Variants in STAU1 observed in about 807,000 individuals in gnomAD.
The protein encoded by STAU1 is staufen double-stranded RNA binding protein 1, also known as double-stranded RNA-binding protein Staufen homolog 1.
Under a neutral mutation model 62.9 loss-of-function variants are expected in STAU1, and 13 were observed. The observed-to-expected ratio is 0.21, with a 90% CI of 0.13 to 0.33. The LOEUF is 0.33. STAU1 is among the 10% of genes least tolerant of loss of function. The pLI is 1.00. For missense variants in STAU1, 571 were observed against 712.1 expected (o/e 0.80, Z 2.25); for synonymous variants, 269 against 265.1 (o/e 1.01, Z -0.14).
intron 3 of STAU1, 64 bp from the exon 4 acceptor site, chr20:49,154,135 A>C: frequency 1.3e-6 from 2 of 1,490,198 alleles, no homozygotes; most frequent in South Asian, 2.7e-5. Flanking sequence ...CACTAAAATA[A>C]AATGTAATAG....
intron 6 of STAU1, 41 bp downstream of exon 6, chr20:49,135,792 G>C (rs760315973): frequency 6.8e-7 from 1 of 1,479,704 alleles, no homozygotes; most frequent in Non-Finnish European, 9.4e-7. Context: ...AATGCTAACA[G>C]GATTTTAGAA....
chr20:49,160,061 A>G (rs768422477), intron 3 of STAU1, among the ~76,000 whole-genome samples: 5 of 152,220 alleles, frequency 3.3e-5, no homozygotes, highest in Non-Finnish European at 5.9e-5. Flanking sequence ...ATTGTGCTCC[A>G]CAGGTTAACA....
rs575803333 is a variant in STAU1 at position 49,162,937 on chromosome 20, T to A, written c.205+3060A>T. Among the ~76,000 whole-genome samples, 15 of 152,144 alleles carry A rather than the reference T, an allele frequency of 9.9e-5. No individual in the cohort carries two copies. The South Asian group carries it at 3.1e-3, about 32-fold the overall frequency. ...GGCTGGATGTGGTGGCTCACGCCTATAATCCCAGCACTTTAGGAGGCCAAG... is the reference window on the plus strand; with the variant it reads ...GGCTGGATGTGGTGGCTCACGCCTAAAATCCCAGCACTTTAGGAGGCCAAG... On this transcript the variant is annotated intron_variant, in intron 3 of 13. Transcript: ENST00000371856.
chr20:49,187,776 C>CT (rs2093807167), intron 1 of STAU1, among the ~76,000 whole-genome samples: 1 of 33,656 alleles, frequency 3.0e-5, no homozygotes, highest in African/African-American at 1.9e-4. Context: ...AGCAGGGACC[C>CT]CCCCCCCCCC....
intron 5 of STAU1, among the ~76,000 whole-genome samples, chr20:49,149,541 T>A (rs945416622): frequency 2.0e-5 from 3 of 152,200 alleles, no homozygotes; most frequent in Non-Finnish European, 4.4e-5. Context: ...ACCTACTCCA[T>A]CTGACTCCAA....
At chr20:49,126,427 G>C (rs1189316407) in intron 6 of STAU1, among the ~76,000 whole-genome samples, 2 of 150,900 alleles carry the variant, frequency 1.3e-5, no homozygotes, top group Non-Finnish European at 3.0e-5. Context: ...AGCCAGGTGT[G>C]GTAGTGTGCC....
chr20:49,202,986 G>A, the STAU1 span, among the ~76,000 whole-genome samples: 1 of 152,086 alleles, frequency 6.6e-6, no homozygotes, highest in East Asian at 1.9e-4. Context: ...AGATTGCAGT[G>A]AGCTGAGATC....
intron 8 of STAU1, among the ~76,000 whole-genome samples, chr20:49,122,708 G>A (rs2092493015): frequency 1.3e-5 from 2 of 152,076 alleles, no homozygotes; most frequent in South Asian, 4.2e-4. Flanking sequence ...ACAAGGTCAG[G>A]AGATCAAAAC....
chr20:49,128,489 G>A (rs956794463), intron 6 of STAU1, among the ~76,000 whole-genome samples: 10 of 152,132 alleles, frequency 6.6e-5, no homozygotes, highest in Admixed American at 5.9e-4. Flanking sequence ...TTGGAGGAAT[G>A]GCCAAGACCA....
rs543110400 is a variant in STAU1 at position 49,183,932 on chromosome 20, C to CTT, written c.-160+4182_-160+4183dup. On this transcript the variant is annotated intron_variant, in intron 1 of 13. Transcript: ENST00000371856. The stretch of plus-strand genomic sequence containing the variant: ...TGAAATAAATGTGAAGTATACATGC[C>CTT]TTTTTTTTTTTTTTGAGAAGTACTT... Among the ~76,000 whole-genome samples, 285 of 142,780 alleles carry CTT rather than the reference C, an allele frequency of 2.0e-3. 3 individuals carry two copies. Among genetic ancestry groups the CTT allele is most frequent in the African/African-American group, 6.4e-3 (250 of 39,048 alleles). 93.7% of individuals were successfully genotyped at this position (142,780 alleles called of 152,430 possible). A position where few individuals can be genotyped will look rare whatever the true frequency, so the allele number is the denominator to read the frequency against.
chr20:49,218,247 T>C, the STAU1 span, among the ~76,000 whole-genome samples: 46,925 of 145,402 alleles, frequency 0.32, 8,330 homozygotes, highest in East Asian at 0.49. Flanking sequence ...TTTTTTGAGA[T>C]GGAGTCTTGC....
intron 3 of STAU1, among the ~76,000 whole-genome samples, chr20:49,161,610 G>A (rs1248775309): frequency 6.6e-6 from 1 of 152,160 alleles, no homozygotes; most frequent in African/African-American, 2.4e-5. Context: ...ACTCAAGCTG[G>A]ATCTTGCTGA....
the STAU1 span, among the ~76,000 whole-genome samples, chr20:49,193,405 G>A: frequency 6.6e-6 from 1 of 152,028 alleles, no homozygotes; most frequent in Non-Finnish European, 1.5e-5. Context: ...CGGGCCGGTA[G>A]CTCACACCTG....
At chr20:49,178,172 A>G (rs1460362612) in intron 1 of STAU1, among the ~76,000 whole-genome samples, 2 of 152,122 alleles carry the variant, frequency 1.3e-5, no homozygotes, top group African/African-American at 4.8e-5. Context: ...GCAAGACTCC[A>G]TCTCAAAAAA....
chr20:49,141,762 C>T (rs1001734986), intron 5 of STAU1, among the ~76,000 whole-genome samples: 4 of 151,942 alleles, frequency 2.6e-5, no homozygotes, highest in African/African-American at 9.7e-5. Flanking sequence ...GGGTGAGACT[C>T]TGTCTCAAAA....
chr20:49,208,771 C>T, the STAU1 span, among the ~76,000 whole-genome samples: 1 of 151,462 alleles, frequency 6.6e-6, no homozygotes, highest in Non-Finnish European at 1.5e-5. Context: ...AGGTGCCTGT[C>T]ACCATGCTCG....
At chr20:49,129,279 A>ATTTTTTTTTTT (rs1337866356) in intron 6 of STAU1, among the ~76,000 whole-genome samples, 3 of 101,958 alleles carry the variant, frequency 2.9e-5, no homozygotes, top group African/African-American at 8.7e-5. Context: ...TTTAAAAAAA[A>ATTTTTTTTTTT]ATTTTTTTTT....
intron 5 of STAU1, among the ~76,000 whole-genome samples, chr20:49,138,350 G>C (rs1317566875): frequency 6.6e-6 from 1 of 151,856 alleles, no homozygotes; most frequent in African/African-American, 2.4e-5. Flanking sequence ...TATAACCAAG[G>C]GTATAATCCT....
intron 4 of STAU1, among the ~76,000 whole-genome samples, chr20:49,153,270 A>C (rs935793703): frequency 2.2e-5 from 3 of 135,264 alleles, no homozygotes; most frequent in African/African-American, 5.3e-5. Context: ...AAAAAAAAAG[A>C]AGCACAAAGG....
Sources: gnomAD v4.1 joint callset for allele counts (sites outside exome capture counted in the v4.1 genomes callset) on GRCh38, gnomAD v4.1.1 for gene constraint, MANE v1.5 for transcripts, NCBI Gene and HGNC (gene_info 2026-07-23, HGNC 2026-07-21) for gene names.